Variants in FRMD6 observed in about 807,000 individuals in gnomAD.
The protein encoded by FRMD6 is FERM domain-containing protein 6.
Under a neutral mutation model 73.2 loss-of-function variants are expected in FRMD6, and 37 were observed. The ratio of observed to expected loss-of-function variants is 0.51; its 90% CI spans 0.39 to 0.66. FRMD6 has a LOEUF of 0.66. Ranked by LOEUF, FRMD6 falls within the 30% of genes least tolerant of loss-of-function variation. FRMD6 has a pLI of 0.00. For synonymous variants in FRMD6, 273 were observed against 282.2 expected (o/e 0.97, Z 0.33); for missense variants, 714 against 780.5 (o/e 0.91, Z 1.02).
intron 1 of FRMD6, among the ~76,000 whole-genome samples, chr14:51,495,158 C>A (rs1883222917): frequency 6.6e-6 from 1 of 152,208 alleles, no homozygotes; most frequent in Admixed American, 6.5e-5. Context: ...GACAAAGACA[C>A]AATTCAACTA....
intron 1 of FRMD6, among the ~76,000 whole-genome samples, chr14:51,570,111 G>T (rs923098410): frequency 6.6e-6 from 1 of 152,030 alleles, no homozygotes; most frequent in African/African-American, 2.4e-5. Context: ...CACTGCGCCC[G>T]GCCCATGAGC....
intron 2 of FRMD6, among the ~76,000 whole-genome samples, chr14:51,615,465 T>C (rs2139889860): frequency 6.6e-6 from 1 of 152,244 alleles, no homozygotes; most frequent in Non-Finnish European, 1.5e-5. Context: ...CCAAATAATG[T>C]CCCAAGAATT....
chr14:51,644,636 A>G (rs1452230191), intron 2 of FRMD6, among the ~76,000 whole-genome samples: 1 of 152,214 alleles, frequency 6.6e-6, no homozygotes, highest in Non-Finnish European at 1.5e-5. Flanking sequence ...AATGATTTGT[A>G]TATTAAGTCT....
the FRMD6 span, among the ~76,000 whole-genome samples, chr14:51,426,547 A>C: frequency 6.6e-6 from 1 of 152,206 alleles, no homozygotes; most frequent in Non-Finnish European, 1.5e-5. Flanking sequence ...GTATTTTTGC[A>C]CTTTATTTAC....
intron 1 of FRMD6, among the ~76,000 whole-genome samples, chr14:51,671,866 C>T (rs1477942752): frequency 6.6e-6 from 1 of 152,176 alleles, no homozygotes; most frequent in Admixed American, 6.5e-5. Context: ...CAACAATTAA[C>T]AGCAGAAACA....
At chr14:51,482,222 A>G in the FRMD6 span, among the ~76,000 whole-genome samples, 2 of 152,212 alleles carry the variant, frequency 1.3e-5, no homozygotes, top group African/African-American at 2.4e-5. Context: ...GATGTTCCCT[A>G]CAGCTATTTG....
chr14:51,464,958 A>G, the FRMD6 span, among the ~76,000 whole-genome samples: 1 of 152,172 alleles, frequency 6.6e-6, no homozygotes, highest in Non-Finnish European at 1.5e-5. Context: ...TAGATCAACA[A>G]TCTATGAAAT....
At chr14:51,516,558 G>C (rs1037590013) in intron 1 of FRMD6, among the ~76,000 whole-genome samples, 7 of 152,114 alleles carry the variant, frequency 4.6e-5, no homozygotes, top group African/African-American at 1.7e-4. Context: ...TAGATGAAGT[G>C]AATTTCTAGC....
At chr14:51,651,756 C>G (rs1273118918), upstream of FRMD6, 1 of 145,886 alleles carries the variant, frequency 6.9e-6, no homozygotes, top group Non-Finnish European at 1.5e-5. Context: ...GCGCGCAGCT[C>G]CCGCGGCTCG....
At chr14:51,465,842 G>A in the FRMD6 span, among the ~76,000 whole-genome samples, 1 of 152,026 alleles carries the variant, frequency 6.6e-6, no homozygotes, top group African/African-American at 2.4e-5. Context: ...TGGCTAGTTG[G>A]TCAGTAGGTG....
the FRMD6 span, among the ~76,000 whole-genome samples, chr14:51,399,034 C>A: frequency 8.5e-5 from 13 of 152,330 alleles, no homozygotes; most frequent in African/African-American, 2.4e-4. Flanking sequence ...CACATCGGCA[C>A]ACCCTAAACT....
intron 1 of FRMD6, among the ~76,000 whole-genome samples, chr14:51,532,106 C>A (rs146262555): frequency 0.029 from 4,406 of 152,222 alleles, 91 homozygotes; most frequent in African/African-American, 0.054. Context: ...TGGTGGCTCA[C>A]GCCTATAATC....
At chr14:51,693,296 TATC>T (rs1357886268) in intron 2 of FRMD6, among the ~76,000 whole-genome samples, 24 of 152,202 alleles carry the variant, frequency 1.6e-4, no homozygotes, top group African/African-American at 5.5e-4. Context: ...TAGCTGCTAT[TATC>T]ATTTTAATCC....
intron 2 of FRMD6, among the ~76,000 whole-genome samples, chr14:51,607,955 G>T (rs1890332224): frequency 2.0e-5 from 3 of 152,326 alleles, no homozygotes; most frequent in Non-Finnish European, 4.4e-5. Context: ...CTGTGGCCAC[G>T]TGAAGGAAGC....
At chr14:51,580,025 G>C (rs1467082459) in intron 2 of FRMD6, among the ~76,000 whole-genome samples, 1 of 152,146 alleles carries the variant, frequency 6.6e-6, no homozygotes, top group Non-Finnish European at 1.5e-5. Context: ...TGTTTGAATG[G>C]ACTAGACTGG....
the FRMD6 span, among the ~76,000 whole-genome samples, chr14:51,415,388 C>T: frequency 1.3e-5 from 2 of 152,206 alleles, no homozygotes; most frequent in Non-Finnish European, 2.9e-5. Context: ...TTGTCAAAGG[C>T]CTTTTCTGCA....
chr14:51,516,344 G>A (rs1196497919), intron 1 of FRMD6, among the ~76,000 whole-genome samples: 1 of 152,156 alleles, frequency 6.6e-6, no homozygotes. Context: ...GATTAGAGAC[G>A]AGTAGGAGGA....
chr14:51,524,535 A>C (rs1885128333), intron 1 of FRMD6, among the ~76,000 whole-genome samples: 1 of 146,762 alleles, frequency 6.8e-6, no homozygotes, highest in Non-Finnish European at 1.5e-5. Context: ...TATTTTTATG[A>C]CGGGGGGGGT....
At chr14:51,548,282 G>C (rs879889003) in intron 1 of FRMD6, among the ~76,000 whole-genome samples, 2 of 152,206 alleles carry the variant, frequency 1.3e-5, no homozygotes, top group Non-Finnish European at 2.9e-5. Flanking sequence ...AGTTCTATGA[G>C]TAATGTAAAC....
Sources: gnomAD v4.1 joint callset for allele counts (sites outside exome capture counted in the v4.1 genomes callset) on GRCh38, gnomAD v4.1.1 for gene constraint, MANE v1.5 for transcripts, NCBI Gene and HGNC (gene_info 2026-07-23, HGNC 2026-07-21) for gene names.